The following HMGXB3 variants were observed in gnomAD, a reference collection of about 807,000 sequenced individuals.
HMGXB3 encodes the protein HMG-box containing 3, also known as HMG domain-containing protein 3.
In HMGXB3, 45 loss-of-function variants were observed where a neutral mutation model predicts 121.5. That is an observed-to-expected ratio of 0.37 (90% CI 0.29 to 0.47). HMGXB3 has a LOEUF of 0.47. HMGXB3 is among the 20% of genes least tolerant of loss of function. The pLI is 0.99. For missense variants in HMGXB3, 1,376 were observed against 1,602.2 expected, an observed-to-expected ratio of 0.86 and a Z score of 2.41; for synonymous variants, 590 against 624.1, an observed-to-expected ratio of 0.95 and a Z score of 0.81.
rs1311170304 is a variant in HMGXB3, at chr5:150,045,699, G to A, written c.2950+14G>A. The A allele has an allele frequency of 2.6e-6, 4 of 1,548,326 alleles. No homozygotes were observed. Among genetic ancestry groups the A allele is most frequent in the Admixed American group, 3.9e-5 (2 of 50,978 alleles). On this transcript the variant is annotated intron_variant, in intron 16 of 19. Coordinates refer to ENST00000502717, the MANE Select transcript of HMGXB3 (RefSeq NM_014983.3). ...AGCCAGTACCTGGTAAGGCCACCTG[G>A]TGGCTGACTGGGGTCAAAAAAGGGC...
chr5:150,011,603 G>GT (rs1491185268), intron 4 of HMGXB3, among the ~76,000 whole-genome samples: 15,235 of 143,034 alleles, frequency 0.11, 3,153 homozygotes, highest in African/African-American at 0.4. Context: ...GTTTTTTTTT[G>GT]GTTTTTTTTT....
intron 11 of HMGXB3, among the ~76,000 whole-genome samples, chr5:150,035,380 G>A (rs1005013549): frequency 2.0e-5 from 3 of 152,062 alleles, no homozygotes; most frequent in South Asian, 2.1e-4. Context: ...CCTGCCCCAC[G>A]ATAATCTACT....
At chr5:150,045,441 G>T in intron 15 of HMGXB3, 25 bp from the exon 16 acceptor site, 2 of 1,528,892 alleles carry the variant, frequency 1.3e-6, no homozygotes, top group South Asian at 2.4e-5. Context: ...CCCACAGTTT[G>T]ACCTTCTTTA....
chr5:150,045,821 C>A, intron 16 of HMGXB3, 136 bp downstream of exon 16: 1 of 673,788 alleles, frequency 1.5e-6, no homozygotes. Flanking sequence ...AAGATAATAA[C>A]AGCCCGTGTC....
intron 5 of HMGXB3, among the ~76,000 whole-genome samples, chr5:150,016,557 A>G (rs1561857820): frequency 6.6e-6 from 1 of 152,162 alleles, no homozygotes; most frequent in Non-Finnish European, 1.5e-5. Context: ...TACTTTGTCT[A>G]ATATCTAGCT....
intron 10 of HMGXB3, among the ~76,000 whole-genome samples, chr5:150,031,262 T>C (rs964726582): frequency 1.3e-5 from 2 of 152,236 alleles, no homozygotes; most frequent in African/African-American, 4.8e-5. Flanking sequence ...AGAAGTACTT[T>C]AGTAAAGCAG....
chr5:150,011,359 A>G (rs1755832150), intron 4 of HMGXB3, among the ~76,000 whole-genome samples: 1 of 152,176 alleles, frequency 6.6e-6, no homozygotes, highest in Non-Finnish European at 1.5e-5. Context: ...AACTGCTACC[A>G]TGCCATAGTA....
At chr5:150,049,410 AC>A (rs60226767) in intron 18 of HMGXB3, among the ~76,000 whole-genome samples, 5 of 148,966 alleles carry the variant, frequency 3.4e-5, no homozygotes, top group East Asian at 2.0e-4. Flanking sequence ...TGGAACGGAA[AC>A]CCCCCCCCTT....
chr5:150,040,823 G>C lies in HMGXB3; in HGVS notation c.2489G>C (p.Gly830Ala), dbSNP rs761641687. ...GCAATCAGAAATCAGATCAAGCTCGGAGAGGACCCCAGAGTGTCCATCAAT... is the reference window on the plus strand; with the variant it reads ...GCAATCAGAAATCAGATCAAGCTCGCAGAGGACCCCAGAGTGTCCATCAAT... Reference protein sequence around the residue: ...LFAIRNQIKLGEDPRVSINVV... With the variant: ...LFAIRNQIKLAEDPRVSINVV... The change falls in exon 14 of 20, where the codon GGA becomes GCA. Residue 830 changes from glycine to alanine, a missense_variant. Physicochemically the swap from Gly to Ala is moderately conservative, Grantham distance 60 (BLOSUM62 0). This residue lies in a region of HMGXB3 where 1,116 missense variants were observed against 1,369.0 expected (regional missense o/e 0.82). Coordinates refer to ENST00000502717, the MANE Select transcript of HMGXB3 (RefSeq NM_014983.3). 2 of 1,551,910 alleles carry C rather than the reference G, an allele frequency of 1.3e-6. No homozygotes were observed. The highest frequency in any genetic ancestry group is 2.4e-5 in the South Asian group (2 of 84,038).
At position 150,010,302 on chromosome 5, in the gene HMGXB3, C is replaced by A; in HGVS notation, c.504C>A (p.Ala168=). Residue 168 remains alanine, a synonymous_variant, in exon 4 of 20, where the codon GCC becomes GCA. Transcript: ENST00000502717. ...PKGPPLVSNT[A]PETVPSHAGM... is the part of the protein sequence containing the mutation. Reference sequence around the variant, plus strand: ...GACCTCCTCTTGTGTCCAACACTGCCCCGGAGACAGTGCCCAGCCATGCAG... The same window carrying A: ...GACCTCCTCTTGTGTCCAACACTGCACCGGAGACAGTGCCCAGCCATGCAG... 1 of 1,551,782 alleles carries A rather than the reference C, an allele frequency of 6.4e-7. No homozygotes were observed. Among genetic ancestry groups the A allele is most frequent in the South Asian group, 1.2e-5 (1 of 84,066 alleles).
At chr5:150,049,413 C>A (rs952246906) in intron 18 of HMGXB3, among the ~76,000 whole-genome samples, 3 of 151,408 alleles carry the variant, frequency 2.0e-5, no homozygotes, top group African/African-American at 7.3e-5. Context: ...AACGGAAACC[C>A]CCCCCCTTAA....
chr5:150,001,380 A>G (rs1273908765), intron 1 of HMGXB3, among the ~76,000 whole-genome samples: 1 of 152,194 alleles, frequency 6.6e-6, no homozygotes, highest in African/African-American at 2.4e-5. Context: ...CTCTTGCTTC[A>G]TTCATGACCC....
chr5:150,002,056 G>T (rs1320883387), intron 1 of HMGXB3, among the ~76,000 whole-genome samples: 2 of 152,208 alleles, frequency 1.3e-5, no homozygotes, highest in Admixed American at 1.3e-4. Context: ...ATGGCAGTTA[G>T]AATGTAGGTT....
chr5:150,026,234 C>T (rs1057243928), intron 7 of HMGXB3, among the ~76,000 whole-genome samples: 27 of 152,274 alleles, frequency 1.8e-4, no homozygotes, highest in Non-Finnish European at 3.4e-4. Flanking sequence ...GTTTGAGACA[C>T]GTAAATCACT....
intron 15 of HMGXB3, 56 bp downstream of exon 15, chr5:150,042,025 T>G (rs1186669707): frequency 1.4e-6 from 2 of 1,417,924 alleles, no homozygotes; most frequent in East Asian, 5.0e-5. Flanking sequence ...TTTTGGCACC[T>G]CCCTTCCTAT....
At chr5:150,040,359 T>G (rs1255523946) in intron 13 of HMGXB3, among the ~76,000 whole-genome samples, 1 of 152,104 alleles carries the variant, frequency 6.6e-6, no homozygotes, top group Non-Finnish European at 1.5e-5. Context: ...TGATGGGCAT[T>G]TAGTTGTGGG....
At chr5:150,024,813 A>G (rs930337019) in intron 7 of HMGXB3, 133 bp downstream of exon 7, 24 of 737,292 alleles carry the variant, frequency 3.3e-5, no homozygotes, top group Non-Finnish European at 4.0e-5. Flanking sequence ...TACAGAAACC[A>G]AGGCCTAGAG....
In HMGXB3 at chr5:150,030,732, G is replaced by T. The variant is rs1351687312; in HGVS notation, c.1735-9G>T. 2 of 1,549,542 alleles carry T rather than the reference G, an allele frequency of 1.3e-6. No individual in the cohort carries two copies. ...TCAAAAGCACTAAATAATTTGTTCT[G>T]ATCCACAGCTACCAAGTGGCCCATC... is the stretch of plus-strand genomic sequence containing the variant. On this transcript the variant is annotated splice_polypyrimidine_tract_variant and intron_variant, in intron 9 of 19. Transcript: ENST00000502717.
At chr5:150,006,161 A>G (rs915896744) in intron 2 of HMGXB3, among the ~76,000 whole-genome samples, 1 of 152,194 alleles carries the variant, frequency 6.6e-6, no homozygotes, top group African/African-American at 2.4e-5. Context: ...TTATATTACA[A>G]ATTGAATGTA....
Sources: gnomAD v4.1 joint callset for allele counts (sites outside exome capture counted in the v4.1 genomes callset) on GRCh38, gnomAD v4.1.1 for gene constraint, gnomAD v4.1.1 regional missense constraint, MANE v1.5 for transcripts, NCBI Gene and HGNC (gene_info 2026-07-23, HGNC 2026-07-21) for gene names.